HNF4G: variants seen among roughly 807,000 people sequenced by gnomAD.
HNF4G encodes the protein hepatocyte nuclear factor 4-gamma.
Under a neutral mutation model 50.9 loss-of-function variants are expected in HNF4G, and 21 were observed. That is an observed-to-expected ratio of 0.41 (90% CI 0.29 to 0.59). The LOEUF (loss-of-function observed/expected upper bound fraction) is 0.59. HNF4G is among the 20% of genes least tolerant of loss of function. The pLI is 0.26. For missense variants in HNF4G, 527 were observed against 559.4 expected, an observed-to-expected ratio of 0.94 and a Z score of 0.58; for synonymous variants, 198 against 185.6, an observed-to-expected ratio of 1.07 and a Z score of -0.54.
At chr8:75,561,267 C>T (rs1385216143) in intron 9 of HNF4G, among the ~76,000 whole-genome samples, 3 of 152,176 alleles carry the variant, frequency 2.0e-5, no homozygotes, top group African/African-American at 4.8e-5. Context: ...CGTTTTCCTT[C>T]GCTGGGTTCT....
intron 1 of HNF4G, among the ~76,000 whole-genome samples, chr8:75,484,207 A>G (rs1339705417): frequency 6.6e-6 from 1 of 152,236 alleles, no homozygotes; most frequent in East Asian, 1.9e-4. Flanking sequence ...GTTAGAAATG[A>G]ATCACATGAC....
At chr8:75,528,918 A>G (rs931719492) in intron 2 of HNF4G, among the ~76,000 whole-genome samples, 7 of 152,092 alleles carry the variant, frequency 4.6e-5, no homozygotes, top group Non-Finnish European at 1.0e-4. Context: ...GAAACTTACA[A>G]TCATGGCAGA....
chr8:75,532,905 A>G (rs1806366779), intron 2 of HNF4G, among the ~76,000 whole-genome samples: 1 of 152,048 alleles, frequency 6.6e-6, no homozygotes, highest in Admixed American at 6.6e-5. Context: ...AGCTTCATGG[A>G]TCCTGTAGAA....
intron 1 of HNF4G, among the ~76,000 whole-genome samples, chr8:75,440,496 A>G (rs1335144452): frequency 6.6e-6 from 1 of 152,236 alleles, no homozygotes; most frequent in Non-Finnish European, 1.5e-5. Flanking sequence ...GAATATGTAT[A>G]GTTTCACAGA....
chr8:75,544,587 T>C (rs577457770), intron 2 of HNF4G, among the ~76,000 whole-genome samples: 1 of 152,194 alleles, frequency 6.6e-6, no homozygotes, highest in Admixed American at 6.5e-5. Context: ...TTTAAATGTT[T>C]TGTCAGAAGC....
intron 2 of HNF4G, among the ~76,000 whole-genome samples, chr8:75,496,938 A>G (rs1267364535): frequency 5.3e-5 from 8 of 152,200 alleles, no homozygotes; most frequent in Non-Finnish European, 1.0e-4. Flanking sequence ...TACTAGATTT[A>G]GAAACATTAT....
intron 2 of HNF4G, among the ~76,000 whole-genome samples, chr8:75,528,924 G>A (rs373343429): frequency 4.6e-5 from 7 of 152,100 alleles, no homozygotes; most frequent in African/African-American, 1.7e-4. Flanking sequence ...TACAATCATG[G>A]CAGAAGGCGA....
intron 1 of HNF4G, among the ~76,000 whole-genome samples, chr8:75,463,156 A>G (rs1322699540): frequency 6.6e-5 from 10 of 151,630 alleles, no homozygotes; most frequent in African/African-American, 2.4e-4. Flanking sequence ...CATTTTAGGA[A>G]CTTAATTTTT....
intron 1 of HNF4G, among the ~76,000 whole-genome samples, chr8:75,430,058 G>A (rs1810973211): frequency 6.6e-6 from 1 of 151,992 alleles, no homozygotes; most frequent in Non-Finnish European, 1.5e-5. Flanking sequence ...GGCTGAGGCA[G>A]GAGTATCGTT....
intron 2 of HNF4G, among the ~76,000 whole-genome samples, chr8:75,496,780 G>A (rs1202767268): frequency 1.3e-5 from 2 of 150,476 alleles, no homozygotes; most frequent in African/African-American, 2.5e-5. Flanking sequence ...AAATTATAAC[G>A]AAGCAGCATC....
chr8:75,491,647 T>G (rs1021119825), intron 2 of HNF4G, among the ~76,000 whole-genome samples: 2 of 152,106 alleles, frequency 1.3e-5, no homozygotes, highest in Non-Finnish European at 2.9e-5. Context: ...AGCTAATTTT[T>G]GTATTTTTAG....
At chr8:75,452,054 G>A (rs1018102059) in intron 1 of HNF4G, among the ~76,000 whole-genome samples, 1 of 152,120 alleles carries the variant, frequency 6.6e-6, no homozygotes, top group African/African-American at 2.4e-5. Context: ...GCATGGCTGG[G>A]AATATGATCT....
chr8:75,520,614 T>G (rs1335756013), intron 2 of HNF4G, among the ~76,000 whole-genome samples: 10 of 152,018 alleles, frequency 6.6e-5, no homozygotes, highest in African/African-American at 2.4e-4. Context: ...ATTTTTATAT[T>G]TTTTGTAGAG....
Position 75,436,253 on chromosome 8 carries a change from G to A in HNF4G, c.-144+28091G>A, listed in dbSNP as rs1295584299. 2.6e-5 allele frequency among the ~76,000 whole-genome samples: 4 copies of A among 152,088 alleles called. No homozygotes were observed. The East Asian group carries it at 7.7e-4, about 29-fold the overall frequency. On this transcript the variant is annotated intron_variant, in intron 1 of 10. Coordinates refer to the HNF4G transcript ENST00000354370. ...TTTATGATTTAATGCAATTCCTATT[G>A]TCTCACCAGGACGTTTCATGAAAAC...
intron 1 of HNF4G, among the ~76,000 whole-genome samples, chr8:75,439,435 A>G (rs1461634184): frequency 6.6e-6 from 1 of 152,054 alleles, no homozygotes; most frequent in African/African-American, 2.4e-5. Flanking sequence ...TGCAGTATCA[A>G]GATCTTCATT....
chr8:75,469,480 AT>A (rs1275536202), intron 1 of HNF4G, among the ~76,000 whole-genome samples: 2 of 152,198 alleles, frequency 1.3e-5, no homozygotes, highest in East Asian at 1.9e-4. Flanking sequence ...TTCTCAGATG[AT>A]TTTTTTAGAG....
chr8:75,556,706 C>T (rs1401230927), intron 6 of HNF4G, among the ~76,000 whole-genome samples: 1 of 152,128 alleles, frequency 6.6e-6, no homozygotes, highest in Non-Finnish European at 1.5e-5. Context: ...TGAGATCCTT[C>T]TGACACTTAC....
At chr8:75,531,005 G>C (rs1412472802) in intron 2 of HNF4G, among the ~76,000 whole-genome samples, 1 of 151,988 alleles carries the variant, frequency 6.6e-6, no homozygotes, top group East Asian at 1.9e-4. Context: ...TGTTGTGCAG[G>C]CTGGTCTCGA....
intron 6 of HNF4G, among the ~76,000 whole-genome samples, chr8:75,556,942 TTC>T (rs1807146453): frequency 1.3e-5 from 2 of 152,158 alleles, no homozygotes; most frequent in Admixed American, 6.6e-5. Flanking sequence ...TACTACTATT[TTC>T]AGCCCATTTT....
Sources: gnomAD v4.1 joint callset for allele counts (sites outside exome capture counted in the v4.1 genomes callset) on GRCh38, gnomAD v4.1.1 for gene constraint, MANE v1.5 for transcripts, NCBI Gene and HGNC (gene_info 2026-07-23, HGNC 2026-07-21) for gene names.